COMMD10: variants seen among roughly 807,000 people sequenced by gnomAD.
COMMD10 encodes COMM domain-containing protein 10.
A neutral mutation model predicts 28.9 loss-of-function variants in COMMD10; 33 were observed. That is an observed-to-expected ratio of 1.14 (90% CI 0.87 to 1.53). The LOEUF (loss-of-function observed/expected upper bound fraction) is 1.53. Ranked by LOEUF, COMMD10 falls within the 40% of genes most tolerant of loss-of-function variation. COMMD10 has a pLI of 0.00. For missense variants in COMMD10, 310 were observed against 233.4 expected, an observed-to-expected ratio of 1.33 and a Z score of -2.14; for synonymous variants, 110 against 81.7, an observed-to-expected ratio of 1.35 and a Z score of -1.87.
At chr5:116,108,886 C>A (rs147625162) in intron 4 of COMMD10, among the ~76,000 whole-genome samples, 1 of 152,158 alleles carries the variant, frequency 6.6e-6, no homozygotes, top group African/African-American at 2.4e-5. Flanking sequence ...AGCACAGTTT[C>A]TGGGCCGGAG....
At position 116,292,527 on chromosome 5, in the gene COMMD10, A is replaced by G. The variant is rs1751395058; in HGVS notation, c.*38A>G. ...CTGTTTTTTTCATCACGCTCCTGCC[A>G]CCTCATTATTTTGCATTGAAGATAC... On this transcript the variant is annotated 3_prime_UTR_variant, in exon 7 of 7. Coordinates refer to ENST00000274458, the MANE Select transcript of COMMD10 (RefSeq NM_016144.4). 6.5e-7 allele frequency: 1 copy of G among 1,543,878 alleles called. No homozygotes were observed. Among genetic ancestry groups the G allele is most frequent in the South Asian group, 1.2e-5 (1 of 81,640 alleles).
intron 5 of COMMD10, among the ~76,000 whole-genome samples, chr5:116,141,117 A>C (rs1460459858): frequency 6.6e-6 from 1 of 151,662 alleles, no homozygotes; most frequent in Non-Finnish European, 1.5e-5. Context: ...TGTATGGTGT[A>C]AAGGTCCAAT....
intron 5 of COMMD10, among the ~76,000 whole-genome samples, chr5:116,285,716 G>C (rs1347499833): frequency 2.0e-5 from 3 of 151,910 alleles, no homozygotes; most frequent in Non-Finnish European, 4.4e-5. Context: ...CTTGTATAAT[G>C]ATATGTAGTA....
intron 4 of COMMD10, among the ~76,000 whole-genome samples, chr5:116,105,384 A>G (rs936578696): frequency 1.3e-5 from 2 of 152,156 alleles, no homozygotes; most frequent in South Asian, 2.1e-4. Context: ...GGATTTTTGC[A>G]TTGATGTTCA....
intron 4 of COMMD10, among the ~76,000 whole-genome samples, chr5:116,099,196 A>G (rs998428636): frequency 6.6e-6 from 1 of 152,184 alleles, no homozygotes; most frequent in Non-Finnish European, 1.5e-5. Context: ...CTTTTAGAGT[A>G]TGCGTATAAA....
At chr5:116,274,277 T>A (rs1750843615) in intron 5 of COMMD10, among the ~76,000 whole-genome samples, 1 of 151,902 alleles carries the variant, frequency 6.6e-6, no homozygotes, top group Non-Finnish European at 1.5e-5. Flanking sequence ...ACTAATAATT[T>A]GAGACATTTG....
At chr5:116,180,891 G>A (rs1747934497) in intron 5 of COMMD10, among the ~76,000 whole-genome samples, 1 of 152,060 alleles carries the variant, frequency 6.6e-6, no homozygotes, top group Non-Finnish European at 1.5e-5. Flanking sequence ...TTAGGCTCAT[G>A]TCTCTCATCC....
chr5:116,176,476 A>T (rs1312799915), intron 5 of COMMD10, among the ~76,000 whole-genome samples: 3 of 152,150 alleles, frequency 2.0e-5, no homozygotes, highest in Admixed American at 2.0e-4. Context: ...TTAACCTAAC[A>T]TCTGAGATGT....
intron 5 of COMMD10, among the ~76,000 whole-genome samples, chr5:116,247,090 A>G (rs1052220641): frequency 2.0e-5 from 3 of 152,100 alleles, no homozygotes; most frequent in Non-Finnish European, 4.4e-5. Flanking sequence ...AAGGTCTAAT[A>G]TCTAGTATCT....
At chr5:116,258,144 A>G (rs1224530411) in intron 5 of COMMD10, among the ~76,000 whole-genome samples, 1 of 151,726 alleles carries the variant, frequency 6.6e-6, no homozygotes, top group African/African-American at 2.4e-5. Context: ...TTTTCCATTC[A>G]TGGACATCTA....
At chr5:116,166,555 C>A (rs72804855) in intron 5 of COMMD10, among the ~76,000 whole-genome samples, 1 of 152,188 alleles carries the variant, frequency 6.6e-6, no homozygotes, top group East Asian at 1.9e-4. Flanking sequence ...GGGGTGACAC[C>A]TCCCAGCAGG....
At chr5:116,222,889 C>T (rs914401559) in intron 5 of COMMD10, among the ~76,000 whole-genome samples, 1 of 152,060 alleles carries the variant, frequency 6.6e-6, no homozygotes, top group Non-Finnish European at 1.5e-5. Context: ...GACAGGGTTT[C>T]ACCATGTTGA....
intron 5 of COMMD10, among the ~76,000 whole-genome samples, chr5:116,266,859 C>G (rs566568962): frequency 1.8e-4 from 27 of 151,886 alleles, no homozygotes; most frequent in African/African-American, 6.3e-4. Context: ...AAGATTATCT[C>G]AATAGATGCA....
intron 5 of COMMD10, among the ~76,000 whole-genome samples, chr5:116,261,738 A>G (rs746701089): frequency 2.0e-5 from 3 of 151,684 alleles, no homozygotes; most frequent in South Asian, 2.1e-4. Context: ...TCTAACTTGT[A>G]TCTTCACTTA....
rs960196718 is a variant in COMMD10, at chr5:116,292,855, A to G, written c.*366A>G. The stretch of plus-strand genomic sequence containing the variant: ...AAGGAGCGTCCATGGATACAAGATA[A>G]GATGTGTACCTTAGTAGAATACAGA... On this transcript the variant is annotated 3_prime_UTR_variant, in exon 7 of 7. Coordinates refer to ENST00000274458, the MANE Select transcript of COMMD10 (RefSeq NM_016144.4). 2 of 394,852 alleles carry G rather than the reference A, an allele frequency of 5.1e-6. No homozygotes were observed. Among genetic ancestry groups the G allele is most frequent in the African/African-American group, 4.1e-5 (2 of 48,528 alleles). The allele number at this position is 394,852 out of a possible 1,614,324, so 24.5% of individuals were successfully genotyped here. A position where few individuals can be genotyped will look rare whatever the true frequency, so the allele number is the denominator to read the frequency against.
In COMMD10 at chr5:116,135,833, G is replaced by C. The variant is rs572864000; in HGVS notation, c.510+1655G>C. The stretch of plus-strand genomic sequence containing the variant: ...TTTTGGAATGCATCCCCCCACAGTG[G>C]GCAGGGGGACTACTGTGTGCTCTGC... On this transcript the variant is annotated intron_variant, in intron 5 of 6. Transcript: ENST00000274458. Among the ~76,000 whole-genome samples, 4 of 152,254 alleles carry C rather than the reference G, an allele frequency of 2.6e-5. No individual in the cohort carries two copies. In the South Asian group the frequency reaches 8.3e-4, roughly 32 times the overall value.
intron 5 of COMMD10, among the ~76,000 whole-genome samples, chr5:116,210,175 G>C (rs1268077065): frequency 6.6e-6 from 1 of 152,132 alleles, no homozygotes; most frequent in African/African-American, 2.4e-5. Flanking sequence ...GTATCCACCT[G>C]ACCTAATCAC....
Position 116,292,942 on chromosome 5 carries a change from C to T in COMMD10, c.*453C>T, listed in dbSNP as rs1441407472. 2 of 396,482 alleles carry T rather than the reference C, an allele frequency of 5.0e-6. No individual in the cohort carries two copies. Among genetic ancestry groups the T allele is most frequent in the African/African-American group, 4.1e-5 (2 of 48,504 alleles). The allele number at this position is 396,482 out of a possible 1,614,324, so 24.6% of individuals were successfully genotyped here. A position where few individuals can be genotyped will look rare whatever the true frequency, so the allele number is the denominator to read the frequency against. On this transcript the variant is annotated 3_prime_UTR_variant, in exon 7 of 7. Coordinates refer to ENST00000274458, the MANE Select transcript of COMMD10 (RefSeq NM_016144.4). ...CCATATACAATCAAATACACTATGG[C>T]ATTTTTATTTGAATATGATGAGTAT...
chr5:116,129,761 T>C (rs1751804266), intron 4 of COMMD10, among the ~76,000 whole-genome samples: 1 of 118,386 alleles, frequency 8.4e-6, no homozygotes, highest in Non-Finnish European at 1.9e-5. Flanking sequence ...ATATACTATA[T>C]ACTATATAAT....
Sources: allele counts gnomAD v4.1 joint callset (sites outside exome capture counted in the v4.1 genomes callset), GRCh38; gene constraint gnomAD v4.1.1; transcripts MANE v1.5; gene names NCBI Gene and HGNC (gene_info 2026-07-23, HGNC 2026-07-21).